Variants in HNRNPD observed in about 807,000 individuals in gnomAD.
HNRNPD encodes heterogeneous nuclear ribonucleoprotein D, also known as heterogeneous nuclear ribonucleoprotein D0.
HNRNPD carries 3 observed loss-of-function variants against 47.9 expected under a neutral mutation model. The observed-to-expected ratio is 0.06, with a 90% CI of 0.03 to 0.16. HNRNPD has a LOEUF of 0.16. HNRNPD is among the 10% of genes least tolerant of loss of function. HNRNPD has a pLI of 1.00. For synonymous variants in HNRNPD, 171 were observed against 165.1 expected, an observed-to-expected ratio of 1.04 and a Z score of -0.28; for missense variants, 287 against 454.2, an observed-to-expected ratio of 0.63 and a Z score of 3.35.
At chr4:82,364,257 C>T (rs536494848) in intron 2 of HNRNPD, among the ~76,000 whole-genome samples, 2 of 152,302 alleles carry the variant, frequency 1.3e-5, no homozygotes, top group South Asian at 4.1e-4. Flanking sequence ...ATGAACCACT[C>T]CACCTGGCCC....
chr4:82,357,589 A>C (rs2109990007), intron 4 of HNRNPD, 145 bp from the exon 5 acceptor site: 1 of 617,980 alleles, frequency 1.6e-6, no homozygotes, highest in African/African-American at 1.9e-5. Context: ...TATTTATTCT[A>C]ATCCTTTTAA....
intron 2 of HNRNPD, among the ~76,000 whole-genome samples, chr4:82,360,094 C>G (rs1341418312): frequency 6.6e-6 from 1 of 152,020 alleles, no homozygotes; most frequent in Non-Finnish European, 1.5e-5. Context: ...CTCTCATTAA[C>G]AAAACTCTTA....
chr4:82,373,851 G>T lies in HNRNPD; in HGVS notation c.-173C>A. The T allele has an allele frequency of 2.2e-6, 3 of 1,374,828 alleles. No homozygotes were observed. Among genetic ancestry groups the T allele is most frequent in the Non-Finnish European group, 2.9e-6 (3 of 1,046,802 alleles). The allele number at this position is 1,374,828 out of a possible 1,614,324, so 85.2% of individuals were successfully genotyped here. Reference sequence around the variant, plus strand: ...AGGCTCCTGCGCCTCTCCCTGGCCTGCCCCCTTCGCCTCCCACTCTCGCGC... The same window carrying T: ...AGGCTCCTGCGCCTCTCCCTGGCCTTCCCCCTTCGCCTCCCACTCTCGCGC... On this transcript the variant is annotated 5_prime_UTR_variant, in exon 1 of 9. Transcript: ENST00000313899.
In HNRNPD at chr4:82,352,541, G is replaced by A. The variant is rs1356144656; in HGVS notation, c.*1644C>T. ...TTATTGAGAGATTTACATAAAATAA[G>A]CATATGATACCAAAAAGAACCCTAG... On this transcript the variant is annotated 3_prime_UTR_variant, in exon 9 of 9. Coordinates refer to ENST00000313899, the MANE Select transcript of HNRNPD (RefSeq NM_031370.3). 2.0e-5 allele frequency: 3 copies of A among 152,076 alleles called. No individual in the cohort carries two copies. The highest frequency in any genetic ancestry group is 7.2e-5 in the African/African-American group (3 of 41,398). 9.4% of individuals were successfully genotyped at this position (152,076 alleles called of 1,614,324 possible). A position where few individuals can be genotyped will look rare whatever the true frequency, so the allele number is the denominator to read the frequency against.
At chr4:82,369,479 T>G (rs1030417982) in intron 2 of HNRNPD, among the ~76,000 whole-genome samples, 2 of 152,226 alleles carry the variant, frequency 1.3e-5, no homozygotes, top group Non-Finnish European at 2.9e-5. Context: ...CCAACTGATT[T>G]TTAAAGTATT....
rs1553896466 is a variant in HNRNPD at position 82,369,580 on chromosome 4, T to TC, written c.290+1947_290+1948insG. Among the ~76,000 whole-genome samples, 4 of 151,878 alleles carry TC rather than the reference T, an allele frequency of 2.6e-5. No individual in the cohort carries two copies. The South Asian group carries it at 8.3e-4, about 32-fold the overall frequency. On this transcript the variant is annotated intron_variant, in intron 2 of 8. Transcript: ENST00000313899. ...TAATAAATTCAATTTGGATACTCTA[T>TC]TAACCAGTCTTACCCTCAATATTGA...
intron 2 of HNRNPD, among the ~76,000 whole-genome samples, chr4:82,366,553 G>A (rs1719766502): frequency 6.6e-6 from 1 of 151,866 alleles, no homozygotes; most frequent in Non-Finnish European, 1.5e-5. Context: ...CAACATGACA[G>A]TTTTTTAAAT....
At position 82,356,784 on chromosome 4, in the gene HNRNPD, G is replaced by A. The variant is rs1252858694; in HGVS notation, c.853+12C>T. 2 of 1,611,884 alleles carry A rather than the reference G, an allele frequency of 1.2e-6. No individual in the cohort carries two copies. Among genetic ancestry groups the A allele is most frequent in the African/African-American group, 1.3e-5 (1 of 74,852 alleles). On this transcript the variant is annotated intron_variant, in intron 6 of 8. Transcript: ENST00000313899. ...AAAGCTTAAGATAGAGTAAACTTAG[G>A]CTCTAGCTTACCACCACCTCTTCCA...
chr4:82,371,544 C>A lies in HNRNPD; in HGVS notation c.274G>T (p.Ala92Ser). The A allele has an allele frequency of 6.2e-7, 1 of 1,613,014 alleles. No homozygotes were observed. The highest frequency in any genetic ancestry group is 8.5e-7 in the Non-Finnish European group (1 of 1,179,176). Reference protein sequence around the residue: ...SSPRHSEAATAQREEWKMFIG... With the variant: ...SSPRHSEAATSQREEWKMFIG... Reference sequence around the variant, plus strand: ...AAGTTTTACCATTCTTCCCGCTGTGCCGTCGCTGCTTCAGAGTGTCGTGGG... The same window carrying A: ...AAGTTTTACCATTCTTCCCGCTGTGACGTCGCTGCTTCAGAGTGTCGTGGG... Residue 92 changes from alanine to serine, a missense_variant, in exon 2 of 9, where the codon GCA becomes TCA. This residue lies in a region of HNRNPD where 161 missense variants were observed against 137.1 expected (regional missense o/e 1.17). Transcript: ENST00000313899.
At chr4:82,369,368 T>C (rs886709025) in intron 2 of HNRNPD, among the ~76,000 whole-genome samples, 29 of 152,334 alleles carry the variant, frequency 1.9e-4, no homozygotes, top group African/African-American at 1.9e-4. Context: ...TAAAGTCCCA[T>C]AGTAAACTGT....
At chr4:82,364,666 T>C (rs1030345547) in intron 2 of HNRNPD, among the ~76,000 whole-genome samples, 3 of 152,170 alleles carry the variant, frequency 2.0e-5, no homozygotes, top group East Asian at 1.9e-4. Flanking sequence ...TAAAAAAATA[T>C]ATAAACTAAA....
intron 2 of HNRNPD, among the ~76,000 whole-genome samples, chr4:82,364,262 T>A (rs746217116): frequency 6.6e-6 from 1 of 152,188 alleles, no homozygotes; most frequent in Non-Finnish European, 1.5e-5. Context: ...CCACTCCACC[T>A]GGCCCCCTGC....
chr4:82,367,318 C>T (rs1719816570), intron 2 of HNRNPD, among the ~76,000 whole-genome samples: 1 of 152,008 alleles, frequency 6.6e-6, no homozygotes, highest in South Asian at 2.1e-4. Context: ...TTTTCCTTAA[C>T]CTGAAGGTTA....
At chr4:82,364,939 A>C (rs558655893) in intron 2 of HNRNPD, among the ~76,000 whole-genome samples, 1 of 152,226 alleles carries the variant, frequency 6.6e-6, no homozygotes, top group African/African-American at 2.4e-5. Context: ...ATTTTATTCC[A>C]AGATACCTCC....
rs1720273184 is a variant in HNRNPD at position 82,373,748 on chromosome 4, A to G, written c.-70T>C. ...TGCCGCGAACCGAAACTAGCAGCAA[A>G]GTAATCCCCGCCGCTGCCGCGCGCC... On this transcript the variant is annotated 5_prime_UTR_variant, in exon 1 of 9. Coordinates refer to ENST00000313899, the MANE Select transcript of HNRNPD (RefSeq NM_031370.3). The G allele has an allele frequency of 1.3e-6, 2 of 1,526,020 alleles. No individual in the cohort carries two copies. Among genetic ancestry groups the G allele is most frequent in the African/African-American group, 2.8e-5 (2 of 71,572 alleles). 94.5% of individuals were successfully genotyped at this position (1,526,020 alleles called of 1,614,324 possible).
intron 2 of HNRNPD, among the ~76,000 whole-genome samples, chr4:82,365,680 C>T (rs1236947893): frequency 3.3e-5 from 5 of 151,834 alleles, no homozygotes; most frequent in Non-Finnish European, 7.4e-5. Flanking sequence ...TCCTGGCTCA[C>T]TTCAACCTCT....
intron 2 of HNRNPD, among the ~76,000 whole-genome samples, chr4:82,361,405 A>AATAACTT (rs1719427243): frequency 1.3e-5 from 2 of 152,238 alleles, no homozygotes; most frequent in Non-Finnish European, 2.9e-5. Context: ...AAGTTCCACA[A>AATAACTT]CAGAAATAAC....
At chr4:82,373,296 C>T (rs954220707) in intron 1 of HNRNPD, 150 bp downstream of exon 1, 18 of 1,054,044 alleles carry the variant, frequency 1.7e-5, no homozygotes, top group Non-Finnish European at 2.3e-5. Flanking sequence ...GTCCGGGGAA[C>T]CCAACATAGA....
intron 7 of HNRNPD, chr4:82,356,089 G>C (rs1023063876): frequency 6.5e-6 from 1 of 153,996 alleles, no homozygotes; most frequent in Non-Finnish European, 1.4e-5. Context: ...CAAGTTTTTT[G>C]GTTCTATCAA....
Sources: allele counts gnomAD v4.1 joint callset (sites outside exome capture counted in the v4.1 genomes callset), GRCh38; gene constraint gnomAD v4.1.1; regional missense constraint gnomAD v4.1.1; transcripts MANE v1.5; gene names NCBI Gene and HGNC (gene_info 2026-07-23, HGNC 2026-07-21).